RORA: variants seen among roughly 807,000 people sequenced by gnomAD.
RORA encodes nuclear receptor ROR-alpha.
RORA carries 7 observed loss-of-function variants against 69.5 expected under a neutral mutation model. The observed-to-expected ratio is 0.10, with a 90% confidence interval of 0.06 to 0.19. The LOEUF is 0.19. Ranked by LOEUF, RORA falls within the 10% of genes least tolerant of loss-of-function variation. The probability of loss-of-function intolerance (pLI) is 1.00; values close to 1 mark genes in which losing one functional copy is unlikely to be tolerated. For synonymous variants in RORA, 261 were observed against 240.8 expected (o/e 1.08, Z -0.78); for missense variants, 457 against 663.0 (o/e 0.69, Z 3.41).
At chr15:61,136,401 A>T (rs1438395092) in intron 1 of RORA, among the ~76,000 whole-genome samples, 1 of 152,234 alleles carries the variant, frequency 6.6e-6, no homozygotes, top group African/African-American at 2.4e-5. Flanking sequence ...TAGTTAAACA[A>T]ATTTGTAGCC....
At chr15:60,817,669 T>G (rs1027056799) in intron 1 of RORA, among the ~76,000 whole-genome samples, 1 of 152,208 alleles carries the variant, frequency 6.6e-6, no homozygotes, top group African/African-American at 2.4e-5. Context: ...CTCCCGTGTC[T>G]TTACCTCTAG....
chr15:61,005,724 T>A, intron 1 of RORA, among the ~76,000 whole-genome samples: 1 of 152,174 alleles, frequency 6.6e-6, no homozygotes, highest in East Asian at 1.9e-4. Flanking sequence ...TATACACTAT[T>A]ATTGTGGCCT....
intron 1 of RORA, among the ~76,000 whole-genome samples, chr15:60,940,507 A>G (rs933264804): frequency 1.3e-5 from 2 of 152,284 alleles, no homozygotes; most frequent in East Asian, 3.9e-4. Flanking sequence ...TTGCAGGGGG[A>G]CGGGATTGAG....
intron 1 of RORA, among the ~76,000 whole-genome samples, chr15:61,057,070 G>A (rs1595927144): frequency 2.6e-5 from 4 of 152,284 alleles, no homozygotes; most frequent in Admixed American, 1.3e-4. Context: ...TGGTAGGTGC[G>A]TACCTCAAAG....
intron 1 of RORA, among the ~76,000 whole-genome samples, chr15:61,125,837 C>T (rs811944): frequency 0.94 from 142,877 of 152,232 alleles, 67,631 homozygotes; most frequent in East Asian, 1. Flanking sequence ...TTAGCACATT[C>T]TTAAAAAATC....
chr15:60,631,314 T>C (rs1306675117), intron 2 of RORA, among the ~76,000 whole-genome samples: 1 of 152,218 alleles, frequency 6.6e-6, no homozygotes. Context: ...ATAAGCACTG[T>C]TCACAGTTTT....
chr15:61,091,193 C>G (rs1047112246), intron 1 of RORA, among the ~76,000 whole-genome samples: 5 of 152,112 alleles, frequency 3.3e-5, no homozygotes, highest in Admixed American at 1.3e-4. Flanking sequence ...CTTCTGTTGC[C>G]GTTGAATTAC....
chr15:60,590,416 T>C (rs1381234272), intron 2 of RORA, among the ~76,000 whole-genome samples: 1 of 152,210 alleles, frequency 6.6e-6, no homozygotes, highest in Non-Finnish European at 1.5e-5. Context: ...CTAGGAAACA[T>C]CAACTTTAAA....
At chr15:60,766,094 A>G (rs912660209) in intron 1 of RORA, among the ~76,000 whole-genome samples, 1 of 152,184 alleles carries the variant, frequency 6.6e-6, no homozygotes, top group African/African-American at 2.4e-5. Flanking sequence ...CTGAACCATT[A>G]TGATATTATC....
intron 1 of RORA, among the ~76,000 whole-genome samples, chr15:61,036,191 C>T (rs1480072058): frequency 6.6e-6 from 1 of 152,134 alleles, no homozygotes; most frequent in Non-Finnish European, 1.5e-5. Flanking sequence ...AGGGAAAATT[C>T]CCGCAAGGAG....
chr15:61,067,966 G>A (rs1406417467), intron 1 of RORA, among the ~76,000 whole-genome samples: 1 of 152,204 alleles, frequency 6.6e-6, no homozygotes, highest in Non-Finnish European at 1.5e-5. Context: ...AATGGCCAGA[G>A]GGTCAGAGAT....
At chr15:61,146,462 AC>A (rs1422524144) in intron 1 of RORA, among the ~76,000 whole-genome samples, 1 of 19,116 alleles carries the variant, frequency 5.2e-5, no homozygotes, top group East Asian at 5.7e-4. Context: ...ATACACATAC[AC>A]ACACACACAC....
At chr15:61,154,501 T>C (rs1596031774) in intron 1 of RORA, among the ~76,000 whole-genome samples, 1 of 152,286 alleles carries the variant, frequency 6.6e-6, no homozygotes, top group South Asian at 2.1e-4. Context: ...AAAATCTCTG[T>C]AGTGGAAACA....
chr15:60,963,889 G>A (rs56200644), intron 1 of RORA, among the ~76,000 whole-genome samples: 2 of 152,226 alleles, frequency 1.3e-5, no homozygotes, highest in African/African-American at 4.8e-5. Context: ...AGGTTCATCA[G>A]TGGGTGGCTT....
intron 5 of RORA, chr15:60,510,337 T>C (rs928067254): frequency 3.3e-5 from 5 of 152,220 alleles, no homozygotes; most frequent in African/African-American, 9.7e-5. Flanking sequence ...CGATTAAATA[T>C]AGCAGCGGAT....
At chr15:61,029,468 G>A (rs1051195776) in intron 1 of RORA, among the ~76,000 whole-genome samples, 1 of 152,162 alleles carries the variant, frequency 6.6e-6, no homozygotes, top group African/African-American at 2.4e-5. Context: ...GAGGGAAGAG[G>A]AAAGGACACA....
chr15:60,904,907 A>G (rs576471171), intron 1 of RORA, among the ~76,000 whole-genome samples: 161 of 152,130 alleles, frequency 1.1e-3, no homozygotes, highest in Non-Finnish European at 1.2e-3. Context: ...AGCTCAGAAT[A>G]GCAGGCAGCA....
chr15:61,079,325 G>T (rs751933970), intron 1 of RORA, among the ~76,000 whole-genome samples: 1 of 152,074 alleles, frequency 6.6e-6, no homozygotes, highest in Non-Finnish European at 1.5e-5. Context: ...ATCAATTAAG[G>T]AGATTTAAAT....
intron 1 of RORA, among the ~76,000 whole-genome samples, chr15:60,771,303 C>T (rs968054981): frequency 6.6e-6 from 1 of 152,194 alleles, no homozygotes; most frequent in Non-Finnish European, 1.5e-5. Context: ...CCTGAACACT[C>T]AGCCAAAAGT....
Sources: gnomAD v4.1 joint callset for allele counts (sites outside exome capture counted in the v4.1 genomes callset) on GRCh38, gnomAD v4.1.1 for gene constraint, MANE v1.5 for transcripts, NCBI Gene and HGNC (gene_info 2026-07-23, HGNC 2026-07-21) for gene names.